Variants in NCAPD3 observed in about 807,000 individuals in gnomAD.
NCAPD3 encodes the protein condensin-2 complex subunit D3.
Under a neutral mutation model 182.9 loss-of-function variants are expected in NCAPD3, and 105 were observed. The ratio of observed to expected loss-of-function variants is 0.57; its 90% CI spans 0.49 to 0.68. The LOEUF (loss-of-function observed/expected upper bound fraction) is 0.68, where lower values mean the gene tolerates loss of function less well. Ranked by LOEUF, NCAPD3 falls within the 30% of genes least tolerant of loss-of-function variation. The pLI is 0.00. For missense variants in NCAPD3, 1,944 were observed against 1,837.0 expected (o/e 1.06, Z -1.07); for synonymous variants, 815 against 679.9 (o/e 1.20, Z -3.09).
Position 134,206,483 on chromosome 11 carries a change from C to G in NCAPD3, c.1016+116G>C, listed in dbSNP as rs1382202660. On this transcript the variant is annotated intron_variant, in intron 8 of 34. Transcript: ENST00000534548. ...GCTACGAAGTGCTTGGTTTTCACCC[C>G]CAAAACCACCATCAGGCCAGAAATT... The G allele has an allele frequency of 4.3e-6, 6 of 1,408,102 alleles. No homozygotes were observed. In the East Asian group the frequency reaches 9.3e-5, roughly 22 times the overall value. 87.2% of individuals were successfully genotyped at this position (1,408,102 alleles called of 1,614,324 possible).
At chr11:134,218,858 A>G (rs1938122979) in intron 2 of NCAPD3, among the ~76,000 whole-genome samples, 1 of 151,926 alleles carries the variant, frequency 6.6e-6, no homozygotes, top group Admixed American at 6.6e-5. Context: ...CCTGCACACA[A>G]TTTTTCCCAC....
At chr11:134,223,405 C>A (rs1938316112) in intron 1 of NCAPD3, 2 of 702,082 alleles carry the variant, frequency 2.8e-6, no homozygotes, top group Admixed American at 4.0e-5. Context: ...TTGGATGGTG[C>A]CATTAGCAGG....
upstream of NCAPD3, chr11:134,225,356 C>T (rs770428362): frequency 1.2e-6 from 2 of 1,612,880 alleles, no homozygotes; most frequent in South Asian, 1.1e-5. Context: ...GTGAGTCGAC[C>T]CCCGGGACCC....
chr11:134,209,319 A>G lies in NCAPD3; in HGVS notation c.726T>C (p.Cys242=), dbSNP rs1431973051. The G allele has an allele frequency of 1.9e-6, 3 of 1,613,264 alleles. No homozygotes were observed. Among genetic ancestry groups the G allele is most frequent in the Middle Eastern group, 3.3e-4 (2 of 6,054 alleles). Residue 242 remains cysteine (C), a synonymous_variant, in exon 5 of 35, where the codon TGT becomes TGC. Transcript: ENST00000534548. ...LKEKPQCVQN[C]IEVFVSLTNF... ...TCCTGGAATTTTCACTTACCTCTATACAATTCTGTACACATTGTGGCTTTT... is the reference window on the plus strand; with the variant it reads ...TCCTGGAATTTTCACTTACCTCTATGCAATTCTGTACACATTGTGGCTTTT...
rs1322803144 is a variant in NCAPD3, at chr11:134,184,896, C to T, written c.2335+7G>A. ...TTTTCACATAAGATTCTCCAGCAGA[C>T]ACTCACCAGTCACTTTGTCCCGGGT... On this transcript the variant is annotated splice_region_variant and intron_variant, in intron 18 of 34. Coordinates refer to ENST00000534548, the MANE Select transcript of NCAPD3 (RefSeq NM_015261.3). The T allele has an allele frequency of 2.6e-5, 41 of 1,599,830 alleles. No individual in the cohort carries two copies. Among genetic ancestry groups the T allele is most frequent in the Non-Finnish European group, 2.9e-5 (34 of 1,167,160 alleles).
At chr11:134,189,194 C>T (rs1429552333) in intron 16 of NCAPD3, among the ~76,000 whole-genome samples, 1 of 152,164 alleles carries the variant, frequency 6.6e-6, no homozygotes, top group Admixed American at 6.5e-5. Flanking sequence ...TCACCCATTT[C>T]ATCATTAATA....
At position 134,204,086 on chromosome 11, in the gene NCAPD3, A is replaced by G. The variant is rs1565551681; in HGVS notation, c.1175T>C (p.Met392Thr). ...GTATTTGTAAAGCCAGGCAATGAAC[A>G]TAGCGTATTCCCCACAAGGAAGTTT... Reference protein sequence around the residue: ...LSKLPCGEYAMFIAWLYKYSR... With the variant: ...LSKLPCGEYATFIAWLYKYSR... The change falls in exon 10 of 35, where the codon ATG becomes ACG. Residue 392 changes from methionine to threonine, a missense_variant. Physicochemically the swap from Met to Thr is moderately conservative, Grantham distance 81 (BLOSUM62 -1). Transcript: ENST00000534548. This position sits in a 1 kb window ranked among gnomAD's most constrained non-coding sequence, Gnocchi z 4.3. The G allele has an allele frequency of 6.2e-7, 1 of 1,614,172 alleles. No homozygotes were observed. Among genetic ancestry groups the G allele is most frequent in the Admixed American group, 1.7e-5 (1 of 60,032 alleles).
chr11:134,158,887 C>T (rs1485173886), intron 29 of NCAPD3, among the ~76,000 whole-genome samples: 3 of 152,156 alleles, frequency 2.0e-5, no homozygotes, highest in Non-Finnish European at 2.9e-5. Context: ...GTGAGATCAA[C>T]CTTTTTGGCT....
At position 134,180,442 on chromosome 11, in the gene NCAPD3, T is replaced by C. The variant is rs568878580; in HGVS notation, c.2559+635A>G. 2.0e-5 allele frequency among the ~76,000 whole-genome samples: 3 copies of C among 148,120 alleles called. No homozygotes were observed. In the South Asian group the frequency reaches 6.4e-4, roughly 32 times the overall value. On this transcript the variant is annotated intron_variant, in intron 20 of 34. Coordinates refer to ENST00000534548, the MANE Select transcript of NCAPD3 (RefSeq NM_015261.3). ...TTCCTTTACTGGACAAAGTCAGATGTTGGAACCAGAATTACTGCCATACAT... is the reference window on the plus strand; with the variant it reads ...TTCCTTTACTGGACAAAGTCAGATGCTGGAACCAGAATTACTGCCATACAT...
In NCAPD3 at chr11:134,154,479, C is replaced by CA. The variant is rs1000040961; in HGVS notation, c.4253-1117_4253-1116insT. ...GTCTGCACATTATGCTTCTCTGCAC[C>CA]CCCCCCCCCACCGCCCCATCTGCCT... On this transcript the variant is annotated intron_variant, in intron 32 of 34. Transcript: ENST00000534548. Among the ~76,000 whole-genome samples the CA allele has an allele frequency of 1.6e-3, 208 of 127,704 alleles. 10 individuals are homozygous for CA. Among genetic ancestry groups the CA allele is most frequent in the African/African-American group, 6.9e-3 (201 of 29,284 alleles). 83.8% of individuals were successfully genotyped at this position (127,704 alleles called of 152,430 possible).
chr11:134,210,920 G>C (rs1430944374), intron 3 of NCAPD3, among the ~76,000 whole-genome samples: 2 of 152,180 alleles, frequency 1.3e-5, no homozygotes, highest in Admixed American at 6.5e-5. Context: ...GAAAGACAGG[G>C]TAGATGGAAT....
chr11:134,194,949 G>T (rs1944596594), intron 13 of NCAPD3, among the ~76,000 whole-genome samples: 1 of 152,268 alleles, frequency 6.6e-6, no homozygotes, highest in African/African-American at 2.4e-5. Context: ...TAAAAATTTG[G>T]TTTTAAATCT....
rs762967450 is a variant in NCAPD3, at chr11:134,185,470, G to C, written c.2102C>G (p.Thr701Ser). ...IWSKKEKFSP[T>S]FINNVISHTG... is the part of the protein sequence containing the mutation. ...GTGAGATATTACATTGTTTATAAAA[G>C]TGGGTGAGAATTTTTCTTTCTTGGA... Residue 701 changes from threonine to serine, a missense_variant, in exon 17 of 35, where the codon ACT becomes AGT. Physicochemically the swap from Thr to Ser is moderately conservative, Grantham distance 58 (BLOSUM62 1). Around this residue, in one of 3 missense-constraint regions of NCAPD3, gnomAD observed 1,803 missense variants for 1,674.6 expected, o/e 1.08. Coordinates refer to ENST00000534548, the MANE Select transcript of NCAPD3 (RefSeq NM_015261.3). 3.1e-6 allele frequency: 5 copies of C among 1,612,752 alleles called. No individual in the cohort carries two copies. In the African/African-American group the frequency reaches 6.7e-5, roughly 22 times the overall value.
In NCAPD3 at chr11:134,157,008, A is replaced by C; in HGVS notation, c.4252+10T>G. The C allele has an allele frequency of 6.2e-7, 1 of 1,605,062 alleles. No individual in the cohort carries two copies. The highest frequency in any genetic ancestry group is 1.3e-5 in the African/African-American group (1 of 74,464). ...GAGGAGAAGCCCACGTGTTCCGATC[A>C]GTTACTCACTCTCGGGGGTGCTGAT... On this transcript the variant is annotated intron_variant, in intron 32 of 34. Transcript: ENST00000534548.
chr11:134,190,038 A>G (rs1463589516), intron 16 of NCAPD3, among the ~76,000 whole-genome samples: 6 of 152,242 alleles, frequency 3.9e-5, no homozygotes, highest in Admixed American at 6.5e-5. Flanking sequence ...TTACTGACCT[A>G]TTGGATTAAT....
chr11:134,168,366 C>T, intron 26 of NCAPD3, 103 bp downstream of exon 26: 1 of 1,544,312 alleles, frequency 6.5e-7, no homozygotes, highest in Non-Finnish European at 8.9e-7. Flanking sequence ...AGGGGTCTTC[C>T]TGCAGTGCCA....
Position 134,160,090 on chromosome 11 carries a change from G to A in NCAPD3, c.3685-16C>T, listed in dbSNP as rs368692860. The stretch of plus-strand genomic sequence containing the variant: ...GCATCACCTCCTGAAACAGAGCCAG[G>A]AGCATCCTTTCATGTTTTCTTGAAT... On this transcript the variant is annotated splice_polypyrimidine_tract_variant and intron_variant, in intron 28 of 34. Transcript: ENST00000534548. 11 of 1,611,170 alleles carry A rather than the reference G, an allele frequency of 6.8e-6. No homozygotes were observed. Among genetic ancestry groups the A allele is most frequent in the South Asian group, 2.2e-5 (2 of 90,888 alleles).
intron 2 of NCAPD3, 71 bp downstream of exon 2, chr11:134,220,501 A>C (rs935337635): frequency 2.1e-6 from 3 of 1,442,482 alleles, no homozygotes; most frequent in Non-Finnish European, 2.9e-6. Context: ...GCTAAGCTTC[A>C]GATTATAATA....
chr11:134,165,900 C>T, intron 27 of NCAPD3, among the ~76,000 whole-genome samples: 1 of 117,960 alleles, frequency 8.5e-6, no homozygotes, highest in Admixed American at 9.4e-5. Flanking sequence ...GGGGGAGGGG[C>T]ACACTCACTA....
Sources: gnomAD v4.1 joint callset for allele counts (sites outside exome capture counted in the v4.1 genomes callset) on GRCh38, gnomAD v4.1.1 for gene constraint, gnomAD v4.1.1 regional missense constraint, Gnocchi (gnomAD v3.1) non-coding constraint, MANE v1.5 for transcripts, NCBI Gene and HGNC (gene_info 2026-07-23, HGNC 2026-07-21) for gene names.